GAS2L3: variants seen among roughly 807,000 people sequenced by gnomAD.
GAS2L3 encodes the protein GAS2-like protein 3.
GAS2L3 carries 28 observed loss-of-function variants against 37.0 expected under a neutral mutation model. The ratio of observed to expected loss-of-function variants is 0.76; its 90% confidence interval spans 0.56 to 1.04. The LOEUF (loss-of-function observed/expected upper bound fraction) is 1.04. Among genes scored for constraint, GAS2L3 ranks in the 50% least tolerant of loss-of-function variants. GAS2L3 has a pLI of 0.00. For synonymous variants in GAS2L3, 290 were observed against 296.6 expected (o/e 0.98, Z 0.23); for missense variants, 793 against 817.6 (o/e 0.97, Z 0.37).
In GAS2L3 at chr12:100,582,183, C is replaced by T. The variant is rs892705768; in HGVS notation, c.-152+8398C>T. Among the ~76,000 whole-genome samples the T allele has an allele frequency of 5.9e-5, 9 of 152,172 alleles. No individual in the cohort carries two copies. In the South Asian group the frequency reaches 6.2e-4, roughly 10 times the overall value. ...GATTTGGGTAGGTAGTGGAAAATTA[C>T]GTCGAAGGTGGTTTTTCCCTTGCGG... On this transcript the variant is annotated intron_variant, in intron 1 of 9. Transcript: ENST00000547754.
At chr12:100,600,871 T>C (rs1955979754) in intron 4 of GAS2L3, among the ~76,000 whole-genome samples, 1 of 152,154 alleles carries the variant, frequency 6.6e-6, no homozygotes, top group Non-Finnish European at 1.5e-5. Context: ...TTTACTGATT[T>C]CCTCCTGCCT....
intron 5 of GAS2L3, among the ~76,000 whole-genome samples, chr12:100,602,025 C>G (rs1955996632): frequency 6.6e-6 from 1 of 151,950 alleles, no homozygotes; most frequent in African/African-American, 2.4e-5. Flanking sequence ...TGTGAGAGTT[C>G]AATCAAATTA....
At chr12:100,589,767 C>G (rs1228279788) in intron 1 of GAS2L3, among the ~76,000 whole-genome samples, 1 of 152,068 alleles carries the variant, frequency 6.6e-6, no homozygotes, top group Non-Finnish European at 1.5e-5. Context: ...AGAAATAAAC[C>G]CAAATACTTA....
intron 6 of GAS2L3, among the ~76,000 whole-genome samples, chr12:100,616,824 A>G (rs1344163423): frequency 6.6e-6 from 1 of 152,110 alleles, no homozygotes; most frequent in Non-Finnish European, 1.5e-5. Flanking sequence ...TTTCTTGCAT[A>G]AATGCCATGG....
At chr12:100,609,856 A>G (rs1300680118) in intron 5 of GAS2L3, among the ~76,000 whole-genome samples, 1 of 152,142 alleles carries the variant, frequency 6.6e-6, no homozygotes, top group Non-Finnish European at 1.5e-5. Context: ...TAAAGCCTCA[A>G]AATCACTGTG....
At chr12:100,581,111 C>G (rs1378834223) in intron 1 of GAS2L3, among the ~76,000 whole-genome samples, 1 of 152,144 alleles carries the variant, frequency 6.6e-6, no homozygotes, top group Non-Finnish European at 1.5e-5. Flanking sequence ...TCTGTAAAAG[C>G]CTTCGTGTTT....
chr12:100,586,373 C>G (rs571406747), intron 1 of GAS2L3, among the ~76,000 whole-genome samples: 2 of 152,306 alleles, frequency 1.3e-5, no homozygotes, highest in African/African-American at 4.8e-5. Context: ...GAAATTATAT[C>G]AAGCACTCTC....
At chr12:100,621,286 A>G (rs1287759017) in intron 8 of GAS2L3, among the ~76,000 whole-genome samples, 1 of 152,090 alleles carries the variant, frequency 6.6e-6, no homozygotes, top group Non-Finnish European at 1.5e-5. Context: ...GGAAAAGCCA[A>G]ATATTTTCCA....
At position 100,627,932 on chromosome 12, in the gene GAS2L3, A is replaced by G. The variant is rs548864628; in HGVS notation, c.*3042A>G. On this transcript the variant is annotated 3_prime_UTR_variant, in exon 10 of 10. Transcript: ENST00000547754. ...TTCGGAGCACAATGAAATGCCGATT[A>G]TTTTTACCTTGTTTGGGCTTAAAGT... 1.3e-5 allele frequency: 2 copies of G among 152,266 alleles called. No individual in the cohort carries two copies. The highest frequency in any genetic ancestry group is 2.1e-4 in the South Asian group (1 of 4,824). The allele number at this position is 152,266 out of a possible 1,614,324, so 9.4% of individuals were successfully genotyped here. A position where few individuals can be genotyped will look rare whatever the true frequency, so the allele number is the denominator to read the frequency against.
At chr12:100,607,253 C>T (rs1174684069) in intron 5 of GAS2L3, among the ~76,000 whole-genome samples, 1 of 152,312 alleles carries the variant, frequency 6.6e-6, no homozygotes, top group South Asian at 2.1e-4. Flanking sequence ...ATGTCACTCT[C>T]TCCTGGCCTG....
intron 1 of GAS2L3, among the ~76,000 whole-genome samples, chr12:100,580,620 A>T (rs1452638124): frequency 6.6e-6 from 1 of 152,246 alleles, no homozygotes; most frequent in Non-Finnish European, 1.5e-5. Context: ...GAAGTACAAC[A>T]ACTATATGAA....
At chr12:100,583,018 T>C (rs1013730213) in intron 1 of GAS2L3, among the ~76,000 whole-genome samples, 2 of 152,224 alleles carry the variant, frequency 1.3e-5, no homozygotes, top group Non-Finnish European at 2.9e-5. Context: ...CTCTGACCTT[T>C]CTGCATCCCT....
chr12:100,588,245 G>T (rs1006601086), intron 1 of GAS2L3, among the ~76,000 whole-genome samples: 1 of 152,052 alleles, frequency 6.6e-6, no homozygotes, highest in Non-Finnish European at 1.5e-5. Context: ...TTTTCCATAA[G>T]TGTCGGCTGA....
At chr12:100,579,603 G>C in intron 1 of GAS2L3, 1 of 774,282 alleles carries the variant, frequency 1.3e-6, no homozygotes, top group South Asian at 1.4e-5. Flanking sequence ...GCATCTTTTG[G>C]GAGCTTTAGA....
At chr12:100,590,435 G>A (rs1955831586) in intron 1 of GAS2L3, among the ~76,000 whole-genome samples, 1 of 152,222 alleles carries the variant, frequency 6.6e-6, no homozygotes, top group Non-Finnish European at 1.5e-5. Flanking sequence ...TGGCATGGAT[G>A]CGGTGAACAA....
chr12:100,623,471 T>C (rs2136599628), intron 9 of GAS2L3, 91 bp from the exon 10 acceptor site: 3 of 1,173,782 alleles, frequency 2.6e-6, no homozygotes, highest in South Asian at 3.5e-5. Context: ...ATTTTATAGA[T>C]CACAGACATC....
Position 100,615,476 on chromosome 12 carries a change from G to A in GAS2L3, c.446-2268G>A, listed in dbSNP as rs182146344. Among the ~76,000 whole-genome samples the A allele has an allele frequency of 5.3e-5, 8 of 151,732 alleles. No individual in the cohort carries two copies. The East Asian group carries it at 1.5e-3, about 29-fold the overall frequency. On this transcript the variant is annotated intron_variant, in intron 6 of 9. Coordinates refer to ENST00000547754, the MANE Select transcript of GAS2L3 (RefSeq NM_174942.3). The stretch of plus-strand genomic sequence containing the variant: ...TTTTACTTTCTTGATAGTGTCCTTT[G>A]ATATACGAAAGTTTTAAATTTTGGT...
At chr12:100,576,205 A>T (rs1453001479) in intron 1 of GAS2L3, among the ~76,000 whole-genome samples, 10 of 151,958 alleles carry the variant, frequency 6.6e-5, no homozygotes, top group Non-Finnish European at 1.3e-4. Flanking sequence ...CCTCATTTAT[A>T]TTTTCTCATT....
At chr12:100,621,487 C>T (rs959806198) in intron 8 of GAS2L3, among the ~76,000 whole-genome samples, 1 of 151,848 alleles carries the variant, frequency 6.6e-6, no homozygotes, top group African/African-American at 2.4e-5. Context: ...AAGTAGGGTT[C>T]CCCCATGCCA....
Sources: gnomAD v4.1 joint callset for allele counts (sites outside exome capture counted in the v4.1 genomes callset) on GRCh38, gnomAD v4.1.1 for gene constraint, MANE v1.5 for transcripts, NCBI Gene and HGNC (gene_info 2026-07-23, HGNC 2026-07-21) for gene names.